The following BICD1 variants were observed in gnomAD, a reference collection of about 807,000 sequenced individuals.
The protein encoded by BICD1 is BICD cargo adaptor 1.
A neutral mutation model predicts 92.5 loss-of-function variants in BICD1; 35 were observed. The observed-to-expected ratio is 0.38, with a 90% CI of 0.29 to 0.50. The LOEUF is 0.50. Among genes scored for constraint, BICD1 ranks in the 20% least tolerant of loss-of-function variants. The pLI is 0.93. For synonymous variants in BICD1, 429 were observed against 465.1 expected (o/e 0.92, Z 1.00); for missense variants, 950 against 1,189.8 (o/e 0.80, Z 2.97).
chr12:32,201,842 C>G (rs1290870480), intron 1 of BICD1, among the ~76,000 whole-genome samples: 2 of 151,518 alleles, frequency 1.3e-5, no homozygotes, highest in Non-Finnish European at 2.9e-5. Context: ...TTATAATAGT[C>G]AGAAAATGTG....
At chr12:32,277,007 A>G (rs1947292704) in intron 2 of BICD1, among the ~76,000 whole-genome samples, 1 of 152,184 alleles carries the variant, frequency 6.6e-6, no homozygotes, top group African/African-American at 2.4e-5. Context: ...CTACTTTTAG[A>G]AGAAAACTAA....
rs555040135 is a variant in BICD1 at position 32,106,970 on chromosome 12, C to G, written c.-362C>G. The G allele has an allele frequency of 1.6e-3, 383 of 238,474 alleles. 3 individuals carry two copies. Among genetic ancestry groups the G allele is most frequent in the African/African-American group, 8.5e-3 (361 of 42,580 alleles). The allele number at this position is 238,474 out of a possible 1,614,324, so 14.8% of individuals were successfully genotyped here. A position where few individuals can be genotyped will look rare whatever the true frequency, so the allele number is the denominator to read the frequency against. ...GACGCGGCCCGGGAGACATGGCGGA[C>G]GGGCGTCTCTGAATAAGCAGAATCC... On this transcript the variant is annotated 5_prime_UTR_variant, in exon 1 of 10. Transcript: ENST00000652176.
At chr12:32,138,340 C>A (rs1452535210) in intron 1 of BICD1, among the ~76,000 whole-genome samples, 1 of 152,152 alleles carries the variant, frequency 6.6e-6, no homozygotes, top group East Asian at 1.9e-4. Flanking sequence ...GATAGAAGTT[C>A]TCCAAGTGCT....
intron 8 of BICD1, among the ~76,000 whole-genome samples, chr12:32,344,938 G>C (rs1479567747): frequency 6.6e-6 from 1 of 152,040 alleles, no homozygotes; most frequent in Non-Finnish European, 1.5e-5. Context: ...TTCCCTGTAG[G>C]GGAAGGCCTG....
At position 32,294,237 on chromosome 12, in the gene BICD1, G is replaced by T. The variant is rs1947801222; in HGVS notation, c.579+91G>T. The T allele has an allele frequency of 2.4e-6, 3 of 1,250,092 alleles. No homozygotes were observed. In the East Asian group the frequency reaches 7.3e-5, roughly 30 times the overall value. 77.4% of individuals were successfully genotyped at this position (1,250,092 alleles called of 1,614,324 possible). A position where few individuals can be genotyped will look rare whatever the true frequency, so the allele number is the denominator to read the frequency against. Reference sequence around the variant, plus strand: ...ATCTCCAAACTTGTCAGAATTTATTGTTACTCTTTTATCTTCTCTCTATAA... The same window carrying T: ...ATCTCCAAACTTGTCAGAATTTATTTTTACTCTTTTATCTTCTCTCTATAA... On this transcript the variant is annotated intron_variant, in intron 3 of 9. Coordinates refer to ENST00000652176, the MANE Select transcript of BICD1 (RefSeq NM_001714.4).
At chr12:32,325,588 A>G (rs1226352583) in intron 4 of BICD1, among the ~76,000 whole-genome samples, 1 of 152,198 alleles carries the variant, frequency 6.6e-6, no homozygotes, top group African/African-American at 2.4e-5. Context: ...TCCATAAAGG[A>G]TCATAAAAAT....
rs535385262 is a variant in BICD1, at chr12:32,365,465, T to C, written c.2765-2205T>C. ...TATTGGCAAAACAAAGTCAAATATA[T>C]GAGATATTTTTAAAAGATGTAAGCC... On this transcript the variant is annotated intron_variant, in intron 8 of 9. Coordinates refer to ENST00000652176, the MANE Select transcript of BICD1 (RefSeq NM_001714.4). 3.3e-5 allele frequency among the ~76,000 whole-genome samples: 5 copies of C among 152,330 alleles called. No individual in the cohort carries two copies. In the South Asian group the frequency reaches 1.0e-3, roughly 32 times the overall value.
chr12:32,194,127 A>G (rs970879322), intron 1 of BICD1, among the ~76,000 whole-genome samples: 18 of 152,356 alleles, frequency 1.2e-4, no homozygotes, highest in African/African-American at 3.6e-4. Flanking sequence ...AGTTGCAGAA[A>G]AAGTATTTGA....
intron 2 of BICD1, among the ~76,000 whole-genome samples, chr12:32,264,177 T>A (rs1389237204): frequency 4.6e-5 from 7 of 152,210 alleles, no homozygotes; most frequent in Non-Finnish European, 4.4e-5. Flanking sequence ...GTAAATGAAT[T>A]ATTATGTACT....
At chr12:32,132,288 C>T (rs147121107) in intron 1 of BICD1, among the ~76,000 whole-genome samples, 122 of 151,768 alleles carry the variant, frequency 8.0e-4, no homozygotes, top group South Asian at 1.5e-3. Context: ...TGGTGGCAGG[C>T]GCTTGTAATC....
chr12:32,193,148 G>A (rs566435182), intron 1 of BICD1, among the ~76,000 whole-genome samples: 10 of 152,228 alleles, frequency 6.6e-5, no homozygotes, highest in African/African-American at 1.7e-4. Flanking sequence ...AATCTTTCAC[G>A]AAAGGAACAG....
intron 1 of BICD1, among the ~76,000 whole-genome samples, chr12:32,192,453 A>AATAAATAGATAGATAG (rs150682949): frequency 6.7e-6 from 1 of 149,068 alleles, no homozygotes; most frequent in South Asian, 2.1e-4. Context: ...TAAATAAATA[A>AATAAATAGATAGATAG]ATAGATAGAT....
chr12:32,227,829 C>T (rs1296416356), intron 2 of BICD1: 1 of 153,744 alleles, frequency 6.5e-6, no homozygotes, highest in Non-Finnish European at 1.5e-5. Flanking sequence ...GTAAGGTTAA[C>T]TTGTATGAAC....
At chr12:32,363,628 C>T (rs932666195) in intron 8 of BICD1, among the ~76,000 whole-genome samples, 3 of 152,220 alleles carry the variant, frequency 2.0e-5, no homozygotes, top group African/African-American at 7.2e-5. Flanking sequence ...CCAGGAAGCA[C>T]TCCCTAACCA....
chr12:32,154,835 A>C (rs1270937766), intron 1 of BICD1, among the ~76,000 whole-genome samples: 3 of 152,216 alleles, frequency 2.0e-5, no homozygotes, highest in Non-Finnish European at 4.4e-5. Context: ...ACTCAAAGTC[A>C]CCTTAATCAT....
In BICD1 at chr12:32,380,891, G is replaced by A. The variant is rs568827228; in HGVS notation, c.*3264G>A. On this transcript the variant is annotated 3_prime_UTR_variant, in exon 10 of 10. Coordinates refer to ENST00000652176, the MANE Select transcript of BICD1 (RefSeq NM_001714.4). ...TGTTACTAAGTCTAGAATAAAAAAGGCTTCAGTGTGAAGGATGTATAGTAA... is the reference window on the plus strand; with the variant it reads ...TGTTACTAAGTCTAGAATAAAAAAGACTTCAGTGTGAAGGATGTATAGTAA... 1 of 152,072 alleles carries A rather than the reference G, an allele frequency of 6.6e-6. No homozygotes were observed. Among genetic ancestry groups the A allele is most frequent in the South Asian group, 2.1e-4 (1 of 4,818 alleles). The allele number at this position is 152,072 out of a possible 1,614,324, so 9.4% of individuals were successfully genotyped here. A position where few individuals can be genotyped will look rare whatever the true frequency, so the allele number is the denominator to read the frequency against.
chr12:32,235,696 T>G (rs1209031480), intron 2 of BICD1, among the ~76,000 whole-genome samples: 1 of 143,080 alleles, frequency 7.0e-6, no homozygotes, highest in Non-Finnish European at 1.5e-5. Flanking sequence ...TCAAACTTTT[T>G]CTTTTCTTTT....
intron 2 of BICD1, among the ~76,000 whole-genome samples, chr12:32,276,437 G>A (rs905706988): frequency 1.3e-5 from 2 of 152,140 alleles, no homozygotes; most frequent in Non-Finnish European, 2.9e-5. Flanking sequence ...CTTTAAACAC[G>A]GGGCTTGCAA....
chr12:32,354,525 G>A (rs369026308), intron 8 of BICD1, among the ~76,000 whole-genome samples: 5 of 152,166 alleles, frequency 3.3e-5, no homozygotes, highest in African/African-American at 1.2e-4. Context: ...GGACTTTGCT[G>A]TGTTAAAGAC....
Sources: allele counts gnomAD v4.1 joint callset (sites outside exome capture counted in the v4.1 genomes callset), GRCh38; gene constraint gnomAD v4.1.1; transcripts MANE v1.5; gene names NCBI Gene and HGNC (gene_info 2026-07-23, HGNC 2026-07-21).